FGB: variants seen among roughly 807,000 people sequenced by gnomAD.
FGB encodes the protein fibrinogen beta chain.
A neutral mutation model predicts 57.9 loss-of-function variants in FGB; 25 were observed. The observed-to-expected ratio is 0.43, with a 90% CI of 0.31 to 0.60. The LOEUF (loss-of-function observed/expected upper bound fraction) is 0.60, where lower values mean the gene tolerates loss of function less well. Among genes scored for constraint, FGB ranks in the 20% least tolerant of loss-of-function variants. FGB has a pLI of 0.08. For missense variants in FGB, 536 were observed against 598.4 expected (o/e 0.90, Z 1.09); for synonymous variants, 203 against 199.2 (o/e 1.02, Z -0.16).
chr4:154,569,039 C>G (rs536834770), intron 5 of FGB, 143 bp from the exon 6 acceptor site: 96 of 887,024 alleles, frequency 1.1e-4, no homozygotes, highest in Non-Finnish European at 1.5e-4. Context: ...AAGTTTACCT[C>G]TCATATTTAT....
chr4:154,565,603 A>G (rs1448860616), intron 1 of FGB: 4 of 592,128 alleles, frequency 6.8e-6, no homozygotes, highest in Non-Finnish European at 9.1e-6. Flanking sequence ...ACACTGCATC[A>G]TAGCTTTTTT....
intron 1 of FGB, chr4:154,565,242 C>T (rs948640093): frequency 2.2e-6 from 1 of 456,600 alleles, no homozygotes; most frequent in East Asian, 7.4e-5. Context: ...AGCTGTAAGT[C>T]AACCCTACGG....
Position 154,570,898 on chromosome 4 carries a change from G to A in FGB, c.*248G>A. 1 of 517,886 alleles carries A rather than the reference G, an allele frequency of 1.9e-6. No homozygotes were observed. Among genetic ancestry groups the A allele is most frequent in the Non-Finnish European group, 3.5e-6 (1 of 286,966 alleles). The allele number at this position is 517,886 out of a possible 1,614,324, so 32.1% of individuals were successfully genotyped here. A position where few individuals can be genotyped will look rare whatever the true frequency, so the allele number is the denominator to read the frequency against. The stretch of plus-strand genomic sequence containing the variant: ...GACAGAGTTGGTGTTCATAATTTCA[G>A]TTCTAGTTGATTGCGAGAATTTTCA... On this transcript the variant is annotated 3_prime_UTR_variant, in exon 8 of 8. Coordinates refer to ENST00000302068, the MANE Select transcript of FGB (RefSeq NM_005141.5).
In FGB at chr4:154,572,280, C is replaced by A. The variant is rs1000193189; in HGVS notation, c.*1630C>A. Among the ~76,000 whole-genome samples, 3 of 152,072 alleles carry A rather than the reference C, an allele frequency of 2.0e-5. No individual in the cohort carries two copies. Among genetic ancestry groups the A allele is most frequent in the African/African-American group, 7.2e-5 (3 of 41,398 alleles). On this transcript the variant is annotated 3_prime_UTR_variant, in exon 8 of 8. Transcript: ENST00000302068. ...TTGATATAATTTAAAAAATCCTGCA[C>A]ATGTGTCATGCTGGAGCCCTATTGA...
chr4:154,569,241 C>A lies in FGB; in HGVS notation c.892C>A (p.Pro298Thr). The change falls in exon 6 of 8, where the codon CCA (proline) becomes ACA (threonine). Residue 298 changes from proline to threonine, a missense_variant. This residue lies in a region of FGB where 354 missense variants were observed against 383.4 expected (regional missense o/e 0.92). Transcript: ENST00000302068. ...GSVDFGRKWD[P>T]YKQGFGNVAT... is the part of the protein sequence containing the mutation. Reference sequence around the variant, plus strand: ...TGTTGACTTTGGCAGGAAATGGGATCCATATAAACAGGGATTTGGAAATGT... The same window carrying A: ...TGTTGACTTTGGCAGGAAATGGGATACATATAAACAGGGATTTGGAAATGT... 1 of 1,613,940 alleles carries A rather than the reference C, an allele frequency of 6.2e-7. No individual in the cohort carries two copies. The highest frequency in any genetic ancestry group is 8.5e-7 in the Non-Finnish European group (1 of 1,179,888).
chr4:154,570,720 C>G lies in FGB; in HGVS notation c.*70C>G, dbSNP rs1730389710. On this transcript the variant is annotated 3_prime_UTR_variant, in exon 8 of 8. Transcript: ENST00000302068. Reference sequence around the variant, plus strand: ...TTGTACATTATGTTATTGGAATTTTCTTTCATACATTATATTCCTCTAAAA... The same window carrying G: ...TTGTACATTATGTTATTGGAATTTTGTTTCATACATTATATTCCTCTAAAA... 2 of 1,184,802 alleles carry G rather than the reference C, an allele frequency of 1.7e-6. No homozygotes were observed. The highest frequency in any genetic ancestry group is 2.5e-6 in the Non-Finnish European group (2 of 799,586). The allele number at this position is 1,184,802 out of a possible 1,614,324, so 73.4% of individuals were successfully genotyped here. A position where few individuals can be genotyped will look rare whatever the true frequency, so the allele number is the denominator to read the frequency against.
rs898106302 is a variant in FGB, at chr4:154,571,835, C to A, written c.*1185C>A. 2.0e-5 allele frequency among the ~76,000 whole-genome samples: 3 copies of A among 152,172 alleles called. No homozygotes were observed. The highest frequency in any genetic ancestry group is 2.0e-4 in the Admixed American group (3 of 15,284). ...ACCCCTAATGTATCATCATTGCCAC[C>A]CATTTTTATGGTACTTATTGTTCTT... On this transcript the variant is annotated 3_prime_UTR_variant, in exon 8 of 8. Coordinates refer to ENST00000302068, the MANE Select transcript of FGB (RefSeq NM_005141.5).
intron 3 of FGB, 79 bp downstream of exon 3, chr4:154,566,751 T>C: frequency 7.4e-7 from 1 of 1,356,606 alleles, no homozygotes; most frequent in Non-Finnish European, 1.1e-6. Flanking sequence ...TGCATGGTTG[T>C]GAGAAGATTA....
At chr4:154,567,420 T>A (rs1405852188) in intron 3 of FGB, among the ~76,000 whole-genome samples, 173 bp from the exon 4 acceptor site, 1 of 152,210 alleles carries the variant, frequency 6.6e-6, no homozygotes, top group Non-Finnish European at 1.5e-5. Flanking sequence ...TATGTTAATT[T>A]GTATATGTCA....
chr4:154,565,657 C>G, intron 1 of FGB, 151 bp from the exon 2 acceptor site: 1 of 742,458 alleles, frequency 1.3e-6, no homozygotes, highest in Non-Finnish European at 2.3e-6. Flanking sequence ...AAGCAACCTA[C>G]AGATTCACTA....
Position 154,568,511 on chromosome 4 carries a change from T to C in FGB, c.832+17T>C. The stretch of plus-strand genomic sequence containing the variant: ...AAAATGGAGGTAAGCTTTCGACAGT[T>C]GTTGACCTGTTGATCTGTAATTATT... On this transcript the variant is annotated intron_variant, in intron 5 of 7. Transcript: ENST00000302068. 2 of 1,230,992 alleles carry C rather than the reference T, an allele frequency of 1.6e-6. No individual in the cohort carries two copies. Among genetic ancestry groups the C allele is most frequent in the Middle Eastern group, 1.9e-4 (1 of 5,334 alleles). The allele number at this position is 1,230,992 out of a possible 1,614,324, so 76.3% of individuals were successfully genotyped here.
rs1357818389 is a variant in FGB, at chr4:154,570,988, T to C, written c.*338T>C. 5.6e-6 allele frequency: 2 copies of C among 356,084 alleles called. No homozygotes were observed. Among genetic ancestry groups the C allele is most frequent in the Non-Finnish European group, 1.1e-5 (2 of 188,254 alleles). The allele number at this position is 356,084 out of a possible 1,614,324, so 22.1% of individuals were successfully genotyped here. A position where few individuals can be genotyped will look rare whatever the true frequency, so the allele number is the denominator to read the frequency against. On this transcript the variant is annotated 3_prime_UTR_variant, in exon 8 of 8. Coordinates refer to ENST00000302068, the MANE Select transcript of FGB (RefSeq NM_005141.5). ...CCATGACGGAAAGGAAAAACTGATG[T>C]TTAAAAGTCCACTTTTAAAACTATA...
chr4:154,569,874 TA>T (rs1302227484), intron 7 of FGB, 75 bp downstream of exon 7: 16 of 1,542,028 alleles, frequency 1.0e-5, no homozygotes, highest in Non-Finnish European at 1.3e-5. Flanking sequence ...ACAATATTTT[TA>T]ATAGCTACCA....
rs1209294699 is a variant in FGB, at chr4:154,567,789, C to T, written c.687C>T (p.Val229=). The change falls in exon 4 of 8, where the codon GTC becomes GTT. Residue 229 remains valine, a synonymous_variant. Coordinates refer to ENST00000302068, the MANE Select transcript of FGB (RefSeq NM_005141.5). ...QMEYCRTPCT[V]SCNIPVVSGK... ...AATATTGTCGCACCCCATGCACTGT[C>T]AGTTGCAATATTCCTGTGGTGTCTG... 1 of 1,613,650 alleles carries T rather than the reference C, an allele frequency of 6.2e-7. No individual in the cohort carries two copies. The highest frequency in any genetic ancestry group is 1.7e-5 in the Admixed American group (1 of 60,016).
chr4:154,563,993 A>G (rs905062135), intron 1 of FGB, among the ~76,000 whole-genome samples: 3 of 152,002 alleles, frequency 2.0e-5, no homozygotes, highest in African/African-American at 7.2e-5. Flanking sequence ...TGAGTGTTGT[A>G]CTTATCAGAC....
chr4:154,566,765 T>C, intron 3 of FGB, 93 bp downstream of exon 3: 2 of 1,272,566 alleles, frequency 1.6e-6, no homozygotes, highest in East Asian at 2.3e-5. Flanking sequence ...AAGATTAACA[T>C]TTCTGGGTTA....
At chr4:154,565,294 G>T in intron 1 of FGB, 1 of 357,426 alleles carries the variant, frequency 2.8e-6, no homozygotes, top group Non-Finnish European at 5.7e-6. Flanking sequence ...ACATTATGAG[G>T]GTCAAAGATT....
intron 2 of FGB, 97 bp from the exon 3 acceptor site, chr4:154,566,392 T>C: frequency 1.8e-6 from 2 of 1,116,950 alleles, no homozygotes; most frequent in Non-Finnish European, 2.7e-6. Flanking sequence ...ATTTTTATGT[T>C]GGCTAATCGT....
chr4:154,567,285 G>A (rs1225460295), intron 3 of FGB, among the ~76,000 whole-genome samples: 2 of 152,176 alleles, frequency 1.3e-5, no homozygotes, highest in African/African-American at 4.8e-5. Flanking sequence ...TTCTCAGATG[G>A]AAGACCCCAA....
Sources: allele counts gnomAD v4.1 joint callset (sites outside exome capture counted in the v4.1 genomes callset), GRCh38; gene constraint gnomAD v4.1.1; regional missense constraint gnomAD v4.1.1; transcripts MANE v1.5; gene names NCBI Gene and HGNC (gene_info 2026-07-23, HGNC 2026-07-21).